The following PDZD2 variants were observed in gnomAD, a reference collection of about 807,000 sequenced individuals.
PDZD2 encodes the protein PDZ domain-containing protein 2.
Under a neutral mutation model 220.7 loss-of-function variants are expected in PDZD2, and 90 were observed. The ratio of observed to expected loss-of-function variants is 0.41; its 90% CI spans 0.34 to 0.49. The LOEUF is 0.49. PDZD2 is among the 20% of genes least tolerant of loss of function. The probability of loss-of-function intolerance (pLI) is 0.28; values close to 1 mark genes in which losing one functional copy is unlikely to be tolerated. For synonymous variants in PDZD2, 1,375 were observed against 1,450.5 expected, an observed-to-expected ratio of 0.95 and a Z score of 1.18; for missense variants, 3,174 against 3,608.5, an observed-to-expected ratio of 0.88 and a Z score of 3.08.
intron 7 of PDZD2, among the ~76,000 whole-genome samples, chr5:32,045,042 C>A (rs948200065): frequency 6.6e-6 from 1 of 152,256 alleles, no homozygotes; most frequent in African/African-American, 2.4e-5. Flanking sequence ...CTGGTATCCA[C>A]ATATCAGCAT....
Position 32,101,240 on chromosome 5 carries a change from G to A in PDZD2, c.8353+1G>A. 6.2e-7 allele frequency: 1 copy of A among 1,608,124 alleles called. No homozygotes were observed. Among genetic ancestry groups the A allele is most frequent in the Non-Finnish European group, 8.5e-7 (1 of 1,176,430 alleles). On this transcript the variant is annotated splice_donor_variant, in intron 24 of 24. Coordinates refer to ENST00000438447, the MANE Select transcript of PDZD2 (RefSeq NM_178140.4). LOFTEE classifies it high-confidence loss of function. ...TTGGTCATTAAAAGAGTGTACAAAG[G>A]TAATGTTCTAGACAACTCAGTCAGC...
intron 1 of PDZD2, among the ~76,000 whole-genome samples, chr5:31,656,604 G>C (rs543826620): frequency 6.6e-6 from 1 of 152,234 alleles, no homozygotes; most frequent in South Asian, 2.1e-4. Context: ...CCTTGGCATC[G>C]TCCCCTCTGG....
intron 2 of PDZD2, among the ~76,000 whole-genome samples, chr5:31,854,651 A>G (rs1341511615): frequency 6.6e-6 from 1 of 152,140 alleles, no homozygotes; most frequent in African/African-American, 2.4e-5. Context: ...GGTCTAGGGT[A>G]GGGCGCTTTT....
intron 2 of PDZD2, chr5:31,841,102 A>C (rs565228664): frequency 1.4e-5 from 3 of 218,708 alleles, no homozygotes; most frequent in Non-Finnish European, 1.8e-5. Context: ...TGAGTTCAGT[A>C]AGGCATAAAG....
In PDZD2 at chr5:31,870,499, T is replaced by G. The variant is rs1738688889; in HGVS notation, c.476+70775T>G. ...ATATTTTTAAAAAGGAAGAGGGTGG[T>G]TTAAAAAATCTAGTAATATCCCAGA... is the stretch of plus-strand genomic sequence containing the variant. On this transcript the variant is annotated intron_variant, in intron 2 of 24. Coordinates refer to ENST00000438447, the MANE Select transcript of PDZD2 (RefSeq NM_178140.4). Among the ~76,000 whole-genome samples, 3 of 152,048 alleles carry G rather than the reference T, an allele frequency of 2.0e-5. No individual in the cohort carries two copies. The South Asian group carries it at 6.2e-4, about 32-fold the overall frequency.
chr5:32,065,851 C>T (rs1429058414), intron 14 of PDZD2, among the ~76,000 whole-genome samples: 4 of 152,012 alleles, frequency 2.6e-5, no homozygotes, highest in Non-Finnish European at 4.4e-5. Flanking sequence ...ATGGGTAAAA[C>T]CCTGTCTCTA....
intron 21 of PDZD2, among the ~76,000 whole-genome samples, chr5:32,094,697 C>CAA (rs36064147): frequency 8.9e-6 from 1 of 112,564 alleles, no homozygotes; most frequent in Non-Finnish European, 1.9e-5. Context: ...CCTCATCTCT[C>CAA]AAAAAAAAAA....
intron 1 of PDZD2, among the ~76,000 whole-genome samples, chr5:31,769,802 C>T (rs1014312859): frequency 6.6e-6 from 1 of 152,170 alleles, no homozygotes; most frequent in Admixed American, 6.5e-5. Context: ...AGTCACTTAG[C>T]TCATCAACAC....
chr5:31,953,344 C>T (rs1031994691), intron 2 of PDZD2, among the ~76,000 whole-genome samples: 1 of 152,112 alleles, frequency 6.6e-6, no homozygotes, highest in Non-Finnish European at 1.5e-5. Flanking sequence ...TTAAATCCTA[C>T]ACACAAAATT....
rs1448113340 is a variant in PDZD2, at chr5:32,069,550, G to C, written c.2452-19G>C. ...AAATAAATAAAACCATCTAATCTTT[G>C]CTTTCTGCTGAAAATCAGGTTTCCG... is the stretch of plus-strand genomic sequence containing the variant. On this transcript the variant is annotated intron_variant, in intron 14 of 24. Transcript: ENST00000438447. 6 of 1,400,110 alleles carry C rather than the reference G, an allele frequency of 4.3e-6. No individual in the cohort carries two copies. The South Asian group carries it at 5.8e-5, about 13-fold the overall frequency. The allele number at this position is 1,400,110 out of a possible 1,614,324, so 86.7% of individuals were successfully genotyped here.
chr5:32,039,982 G>C (rs1229379399), intron 7 of PDZD2, among the ~76,000 whole-genome samples: 1 of 137,044 alleles, frequency 7.3e-6, no homozygotes, highest in Non-Finnish European at 1.5e-5. Context: ...CTGCCTGGCC[G>C]CCCCATCTGG....
intron 2 of PDZD2, among the ~76,000 whole-genome samples, chr5:31,910,410 C>CTTTTT (rs3037132): frequency 4.5e-5 from 6 of 133,126 alleles, no homozygotes; most frequent in Non-Finnish European, 7.9e-5. Flanking sequence ...CTTTTCCTTT[C>CTTTTT]TTTTTTTTTT....
At chr5:31,790,000 T>A (rs1245893120) in intron 1 of PDZD2, among the ~76,000 whole-genome samples, 1 of 152,208 alleles carries the variant, frequency 6.6e-6, no homozygotes, top group African/African-American at 2.4e-5. Flanking sequence ...ACCAAATCCT[T>A]CTGGCCAAGA....
At chr5:31,667,235 C>CAAAAAA (rs3031718) in intron 1 of PDZD2, among the ~76,000 whole-genome samples, 3 of 52,844 alleles carry the variant, frequency 5.7e-5, no homozygotes, top group Admixed American at 2.9e-4. Flanking sequence ...GACTCCGTCT[C>CAAAAAA]AAAAAAAAAA....
At chr5:31,940,692 A>T (rs964171543) in intron 2 of PDZD2, among the ~76,000 whole-genome samples, 1 of 152,126 alleles carries the variant, frequency 6.6e-6, no homozygotes, top group African/African-American at 2.4e-5. Context: ...ACACTTCCCA[A>T]ATTAGAAGAT....
intron 2 of PDZD2, among the ~76,000 whole-genome samples, chr5:31,896,323 CGTGTGTGTGTGTGTGTGTGTGTGT>C (rs35229609): frequency 3.2e-4 from 43 of 136,356 alleles, no homozygotes; most frequent in African/African-American, 9.0e-4. Context: ...TTGATACTCT[CGTGTGTGTGTGTGTGTGTGTGTGT>C]GTGTGTGTGT....
chr5:31,824,144 C>T (rs1756071278), intron 2 of PDZD2, among the ~76,000 whole-genome samples: 1 of 152,146 alleles, frequency 6.6e-6, no homozygotes, highest in Non-Finnish European at 1.5e-5. Flanking sequence ...GTGCCTTTAA[C>T]TTAAATAATC....
chr5:31,737,006 A>G (rs1212769525), intron 1 of PDZD2, among the ~76,000 whole-genome samples: 1 of 151,758 alleles, frequency 6.6e-6, no homozygotes, highest in African/African-American at 2.4e-5. Flanking sequence ...TGCTTCCTAT[A>G]CAGCCTGCAG....
intron 19 of PDZD2, chr5:32,077,847 C>G: frequency 2.5e-6 from 1 of 403,510 alleles, no homozygotes; most frequent in South Asian, 2.1e-5. Context: ...ATCCCAGCTA[C>G]TTGGGAGGCT....
Sources: gnomAD v4.1 joint callset for allele counts (sites outside exome capture counted in the v4.1 genomes callset) on GRCh38, gnomAD v4.1.1 for gene constraint, MANE v1.5 for transcripts, NCBI Gene and HGNC (gene_info 2026-07-23, HGNC 2026-07-21) for gene names.